The following ZNF846 variants were observed in gnomAD, a reference collection of about 807,000 sequenced individuals.
The protein encoded by ZNF846 is zinc finger protein 846.
A neutral mutation model predicts 16.0 loss-of-function variants in ZNF846; 15 were observed. The observed-to-expected ratio is 0.94, with a 90% confidence interval of 0.63 to 1.45. The LOEUF is 1.45. Ranked by LOEUF, ZNF846 falls within the 40% of genes most tolerant of loss-of-function variation. The pLI is 0.00. For synonymous variants in ZNF846, 229 were observed against 212.0 expected (o/e 1.08, Z -0.70); for missense variants, 714 against 622.3 (o/e 1.15, Z -1.57).
In ZNF846 at chr19:9,757,560, T is replaced by C. The variant is rs749743636; in HGVS notation, c.1517A>G (p.Tyr506Cys). 3.1e-6 allele frequency: 5 copies of C among 1,613,294 alleles called. No homozygotes were observed. In the South Asian group the frequency reaches 3.3e-5, roughly 11 times the overall value. The change falls in exon 6 of 6, where the codon TAT becomes TGT. Residue 506 changes from tyrosine to cysteine, a missense_variant. Physicochemically the swap from Tyr to Cys is radical, Grantham distance 194 (BLOSUM62 -2). Coordinates refer to ENST00000397902, the Ensembl canonical transcript of ZNF846. ...GTTTTTCCCACATTTCTTACATTCA[T>C]ATGGTTTTGCTCCAGTGTGAGTTCG...
chr19:9,785,674 C>G (rs2045552748), intron 1 of ZNF846, among the ~76,000 whole-genome samples: 1 of 74,806 alleles, frequency 1.3e-5, no homozygotes, highest in Non-Finnish European at 2.7e-5. Context: ...CGCCCCATCT[C>G]CCCCTCACCG....
At chr19:9,776,723 G>A (rs947318604) in intron 1 of ZNF846, among the ~76,000 whole-genome samples, 1 of 152,010 alleles carries the variant, frequency 6.6e-6, no homozygotes, top group African/African-American at 2.4e-5. Context: ...CTCTCTTGTC[G>A]CCACACACAG....
chr19:9,763,350 A>G lies in ZNF846; in HGVS notation c.74T>C (p.Leu25Ser), dbSNP rs371192198. The G allele has an allele frequency of 6.2e-6, 10 of 1,611,762 alleles. No individual in the cohort carries two copies. The African/African-American group carries it at 1.2e-4, about 19-fold the overall frequency. ...GTAGAGATCTCTCTGGGCTTGATCC[A>G]ACAAAGTCCACTCCTCCTGGGTAAA... is the stretch of plus-strand genomic sequence containing the variant. Residue 25 changes from leucine to serine, a missense_variant, in exon 3 of 6, where the codon TTG becomes TCG. By Grantham distance (145) the Leu-to-Ser change is moderately radical. Transcript: ENST00000397902.
exon 6 of ZNF846, chr19:9,757,616 G>T (rs1385984871): frequency 6.2e-7 from 1 of 1,613,464 alleles, no homozygotes; most frequent in Non-Finnish European, 8.5e-7. Flanking sequence ...TGGAATACCT[G>T]AAGGCTTTCC....
At chr19:9,769,228 T>A (rs2045367203), upstream of ZNF846, among the ~76,000 whole-genome samples, 1 of 151,370 alleles carries the variant, frequency 6.6e-6, no homozygotes, top group Non-Finnish European at 1.5e-5. Flanking sequence ...TGGACCACAG[T>A]TGGGCCCATC....
Position 9,780,051 on chromosome 19 carries a change from T to TG in ZNF846, c.-86+5886_-86+5887insC, listed in dbSNP as rs1358025555. ...GCCACCATGCCCAGCTAATTTTGTTTTTTTTTTTGTTTTTTTTTTTGTAGA... is the reference window on the plus strand; with the variant it reads ...GCCACCATGCCCAGCTAATTTTGTTTGTTTTTTTTGTTTTTTTTTTTGTAGA... On this transcript the variant is annotated intron_variant, in intron 1 of 4. Transcript: ENST00000586814. 4.0e-4 allele frequency among the ~76,000 whole-genome samples: 58 copies of TG among 146,054 alleles called. 1 individual carries two copies. The highest frequency in any genetic ancestry group is 1.4e-3 in the African/African-American group (53 of 36,816).
downstream of ZNF846, chr19:9,751,962 T>G (rs371493657): frequency 6.6e-6 from 1 of 152,394 alleles, no homozygotes; most frequent in East Asian, 1.9e-4. Context: ...CTTATATGGA[T>G]GCATGTAACA....
intron 1 of ZNF846, among the ~76,000 whole-genome samples, chr19:9,783,949 C>T (rs2045531525): frequency 6.6e-6 from 1 of 152,118 alleles, no homozygotes; most frequent in African/African-American, 2.4e-5. Flanking sequence ...GCGATCTGCC[C>T]GCTTCGGCCT....
intron 3 of ZNF846, 68 bp from the exon 4 acceptor site, chr19:9,762,236 C>T: frequency 8.0e-7 from 1 of 1,245,290 alleles, no homozygotes; most frequent in Non-Finnish European, 1.2e-6. Flanking sequence ...CAATGGGGAA[C>T]CAATACTTTT....
At chr19:9,753,944 G>T (rs966752189), downstream of ZNF846, among the ~76,000 whole-genome samples, 2 of 151,554 alleles carry the variant, frequency 1.3e-5, no homozygotes, top group Non-Finnish European at 2.9e-5. Flanking sequence ...TGATATTATC[G>T]TGGCTGTTCT....
At chr19:9,763,431 G>A in intron 2 of ZNF846, 23 bp from the exon 3 acceptor site, 1 of 1,574,866 alleles carries the variant, frequency 6.3e-7, no homozygotes. Context: ...ATACATGCCA[G>A]CTTCAGCTAA....
chr19:9,757,732 C>A (rs370808629), exon 6 of ZNF846: 7 of 1,613,162 alleles, frequency 4.3e-6, no homozygotes, highest in East Asian at 2.2e-5. Context: ...CATTCACAGG[C>A]CTTTTCTCCA....
intron 1 of ZNF846, among the ~76,000 whole-genome samples, chr19:9,766,926 TC>T (rs1485483074): frequency 6.6e-6 from 1 of 151,732 alleles, no homozygotes; most frequent in Non-Finnish European, 1.5e-5. Flanking sequence ...AGTGTTCTCT[TC>T]AGCAATGCAT....
Position 9,785,360 on chromosome 19 carries a change from G to A in ZNF846, c.-86+578C>T, listed in dbSNP as rs906148446. 2.6e-5 allele frequency among the ~76,000 whole-genome samples: 4 copies of A among 151,956 alleles called. No homozygotes were observed. The East Asian group carries it at 7.7e-4, about 29-fold the overall frequency. On this transcript the variant is annotated intron_variant, in intron 1 of 4. Coordinates refer to the ZNF846 transcript ENST00000586814. Reference sequence around the variant, plus strand: ...CTACAGGCGCCTGCCAGCATGCCCAGCTAATTTTTGTATTTTTAGTAGAGA... The same window carrying A: ...CTACAGGCGCCTGCCAGCATGCCCAACTAATTTTTGTATTTTTAGTAGAGA...
At chr19:9,758,593 T>C in exon 6 of ZNF846, 1 of 1,612,848 alleles carries the variant, frequency 6.2e-7, no homozygotes, top group Non-Finnish European at 8.5e-7. Context: ...GCATGACTTT[T>C]CTTGTAAAAA....
chr19:9,758,290 A>C, exon 6 of ZNF846: 1 of 1,613,432 alleles, frequency 6.2e-7, no homozygotes, highest in Non-Finnish European at 8.5e-7. Flanking sequence ...GATTGAGTGA[A>C]AGCTTTACCA....
chr19:9,750,333 T>C (rs576457910), downstream of ZNF846, among the ~76,000 whole-genome samples: 1 of 152,276 alleles, frequency 6.6e-6, no homozygotes, highest in African/African-American at 2.4e-5. Context: ...ACAGATACTA[T>C]GTGCTTTCTT....
chr19:9,760,404 G>C (rs2045205676), intron 4 of ZNF846, among the ~76,000 whole-genome samples: 1 of 151,380 alleles, frequency 6.6e-6, no homozygotes, highest in Non-Finnish European at 1.5e-5. Flanking sequence ...AAACCTATCA[G>C]AATCAACTGT....
At chr19:9,758,250 T>A (rs2145196055) in exon 6 of ZNF846, 1 of 1,613,462 alleles carries the variant, frequency 6.2e-7, no homozygotes, top group Admixed American at 1.7e-5. Flanking sequence ...TTCTCCACTG[T>A]GAGTTCTGAT....
Sources: gnomAD v4.1 joint callset for allele counts (sites outside exome capture counted in the v4.1 genomes callset) on GRCh38, gnomAD v4.1.1 for gene constraint, MANE v1.5 for transcripts, NCBI Gene and HGNC (gene_info 2026-07-23, HGNC 2026-07-21) for gene names.